HK1: variants seen among roughly 807,000 people sequenced by gnomAD.
HK1 encodes hexokinase-1.
In HK1, 28 loss-of-function variants were observed where a neutral mutation model predicts 91.6. The observed-to-expected ratio is 0.31, with a 90% confidence interval of 0.23 to 0.42. HK1 has a LOEUF of 0.42. Ranked by LOEUF, HK1 falls within the 10% of genes least tolerant of loss-of-function variation. The pLI is 1.00. For missense variants in HK1, 770 were observed against 1,219.8 expected, an observed-to-expected ratio of 0.63 and a Z score of 5.49; for synonymous variants, 430 against 468.1, an observed-to-expected ratio of 0.92 and a Z score of 1.05.
At chr10:69,272,508 C>A (rs1300274065) in intron 1 of HK1, among the ~76,000 whole-genome samples, 1 of 152,038 alleles carries the variant, frequency 6.6e-6, no homozygotes, top group Non-Finnish European at 1.5e-5. Context: ...GTCTTTTTAC[C>A]CTTCCTTTTT....
chr10:69,288,568 C>T, intron 2 of HK1: 1 of 725,144 alleles, frequency 1.4e-6, no homozygotes, highest in Non-Finnish European at 2.5e-6. Context: ...TGCACTATGT[C>T]TTGGTTCTCA....
chr10:69,296,180 A>G (rs1845556212), intron 4 of HK1: 1 of 174,928 alleles, frequency 5.7e-6, no homozygotes, highest in South Asian at 1.4e-4. Flanking sequence ...GTGCTGACCT[A>G]CCCTCTTCCC....
chr10:69,316,753 G>C (rs1021046412), upstream of HK1, among the ~76,000 whole-genome samples: 24 of 152,234 alleles, frequency 1.6e-4, no homozygotes, highest in Non-Finnish European at 8.8e-5. Flanking sequence ...CCATGTTTTT[G>C]ATTATGCATT....
intron 1 of HK1, among the ~76,000 whole-genome samples, chr10:69,330,603 A>G (rs1847660814): frequency 6.6e-6 from 1 of 152,118 alleles, no homozygotes; most frequent in South Asian, 2.1e-4. Flanking sequence ...ATTTGAGAAA[A>G]CAGCAGAAGC....
rs1413572490 is a variant in HK1, at chr10:69,377,367, C to T, written c.1031+278C>T. On this transcript the variant is annotated intron_variant, in intron 8 of 17. Transcript: ENST00000359426. ...GCCTCCTCTCCCACCCCCATCAGCC[C>T]ATCACCCCCACCCTCCACACACACT... 4.0e-5 allele frequency among the ~76,000 whole-genome samples: 6 copies of T among 151,820 alleles called. No homozygotes were observed. The East Asian group carries it at 5.8e-4, about 15-fold the overall frequency.
rs749313647 is a variant in HK1 at position 69,384,819 on chromosome 10, C to T, written c.1743C>T (p.Cys581=). ...AGCTGTTTGATCACATTGTCTCCTG[C>T]ATCTCTGACTTCTTGGACTACATGG... The part of the protein sequence containing the change: ...GEELFDHIVS[C]ISDFLDYMGI... Residue 581 remains cysteine (C), a synonymous_variant, in exon 12 of 18, where the codon TGC becomes TGT. Transcript: ENST00000359426. 2 of 1,614,202 alleles carry T rather than the reference C, an allele frequency of 1.2e-6. No homozygotes were observed. The highest frequency in any genetic ancestry group is 8.5e-7 in the Non-Finnish European group (1 of 1,180,002).
rs573299821 is a variant in HK1, at chr10:69,382,268, G to A, written c.1266-219G>A. 3.3e-5 allele frequency among the ~76,000 whole-genome samples: 5 copies of A among 152,254 alleles called. No individual in the cohort carries two copies. In the East Asian group the frequency reaches 5.8e-4, roughly 18 times the overall value. ...TAGCCGGGCGTGGCCCCAGCTACTC[G>A]GGAGGCTAAGGTGGGAGGATCACCT... On this transcript the variant is annotated intron_variant, in intron 9 of 17. Coordinates refer to ENST00000359426, the MANE Select transcript of HK1 (RefSeq NM_000188.3).
At chr10:69,331,968 T>C (rs974865079) in intron 1 of HK1, among the ~76,000 whole-genome samples, 2 of 152,210 alleles carry the variant, frequency 1.3e-5, no homozygotes, top group African/African-American at 4.8e-5. Context: ...TTATTTCATT[T>C]GGGAGTCTGA....
intron 5 of HK1, among the ~76,000 whole-genome samples, chr10:69,301,647 G>A (rs1381156674): frequency 6.6e-6 from 1 of 150,486 alleles, no homozygotes; most frequent in African/African-American, 2.4e-5. Context: ...AAATTACTTA[G>A]GAATAAACAA....
chr10:69,396,202 C>T (rs1040730762), intron 16 of HK1, among the ~76,000 whole-genome samples: 14 of 146,212 alleles, frequency 9.6e-5, no homozygotes, highest in Middle Eastern at 3.3e-3. Flanking sequence ...AGCCCGGTGG[C>T]GGAGGTTGCA....
chr10:69,401,398 T>G lies in HK1; in HGVS notation c.*263T>G. On this transcript the variant is annotated 3_prime_UTR_variant, in exon 18 of 18. Coordinates refer to ENST00000359426, the MANE Select transcript of HK1 (RefSeq NM_000188.3). ...TTGACCTGGTCCCCCACGTGTGAAG[T>G]GTAGTGGCATCCATTTCTAATGTAT... is the stretch of plus-strand genomic sequence containing the variant. 3 of 564,976 alleles carry G rather than the reference T, an allele frequency of 5.3e-6. No homozygotes were observed. The South Asian group carries it at 6.0e-5, about 11-fold the overall frequency. The allele number at this position is 564,976 out of a possible 1,614,324, so 35.0% of individuals were successfully genotyped here.
intron 7 of HK1, among the ~76,000 whole-genome samples, chr10:69,376,481 G>A (rs1839114009): frequency 6.6e-6 from 1 of 152,160 alleles, no homozygotes; most frequent in Non-Finnish European, 1.5e-5. Flanking sequence ...TCTAGCCTGG[G>A]CGACAGTGAG....
rs1320033730 is a variant in HK1, at chr10:69,276,102, A to T, written c.-391+5994A>T. Among the ~76,000 whole-genome samples, 14 of 46,790 alleles carry T rather than the reference A, an allele frequency of 3.0e-4. No individual in the cohort carries two copies. The East Asian group carries it at 0.014, about 47-fold the overall frequency. The allele number at this position is 46,790 out of a possible 152,430, so 30.7% of individuals were successfully genotyped here. A position where few individuals can be genotyped will look rare whatever the true frequency, so the allele number is the denominator to read the frequency against. On this transcript the variant is annotated intron_variant, in intron 1 of 21. Coordinates refer to the HK1 transcript ENST00000360289. ...CAAAACTCCTTTTCAAAAAAAAAAA[A>T]AAAAAAAAAAAAAAAAATACATATA...
chr10:69,298,970 C>T (rs547460257), intron 4 of HK1, among the ~76,000 whole-genome samples: 7 of 151,866 alleles, frequency 4.6e-5, no homozygotes, highest in African/African-American at 1.5e-4. Context: ...AACAGAGTCT[C>T]ACTCTGTTGC....
intron 3 of HK1, among the ~76,000 whole-genome samples, chr10:69,363,379 C>G (rs942302998): frequency 6.6e-6 from 1 of 152,216 alleles, no homozygotes; most frequent in African/African-American, 2.4e-5. Context: ...ATATTATCTT[C>G]TGTTCTGATT....
intron 7 of HK1, among the ~76,000 whole-genome samples, chr10:69,371,156 G>A (rs992751199): frequency 4.6e-5 from 7 of 152,166 alleles, no homozygotes; most frequent in Non-Finnish European, 4.4e-5. Flanking sequence ...CCCCACCAGT[G>A]GAGGTGGCAG....
At chr10:69,312,571 A>T (rs965058121), upstream of HK1, among the ~76,000 whole-genome samples, 3 of 151,432 alleles carry the variant, frequency 2.0e-5, no homozygotes. Context: ...TGAAGCTGGT[A>T]AGGAGATGGG....
At chr10:69,345,068 A>G (rs1848480776) in intron 2 of HK1, among the ~76,000 whole-genome samples, 1 of 152,090 alleles carries the variant, frequency 6.6e-6, no homozygotes, top group Non-Finnish European at 1.5e-5. Flanking sequence ...AGCTGTTGCA[A>G]CTGATGTTCT....
chr10:69,343,408 ACC>A (rs1297498429), intron 1 of HK1, among the ~76,000 whole-genome samples: 1 of 152,150 alleles, frequency 6.6e-6, no homozygotes, highest in Non-Finnish European at 1.5e-5. Flanking sequence ...CTAGGATTGA[ACC>A]CAGTTGGCTG....
Sources: gnomAD v4.1 joint callset for allele counts (sites outside exome capture counted in the v4.1 genomes callset) on GRCh38, gnomAD v4.1.1 for gene constraint, MANE v1.5 for transcripts, NCBI Gene and HGNC (gene_info 2026-07-23, HGNC 2026-07-21) for gene names.